The following SOS1 variants were observed in gnomAD, a reference collection of about 807,000 sequenced individuals.
SOS1 encodes SOS Ras/Rac guanine nucleotide exchange factor 1, also known as son of sevenless homolog 1.
A neutral mutation model predicts 157.6 loss-of-function variants in SOS1; 25 were observed. That is an observed-to-expected ratio of 0.16 (90% confidence interval 0.12 to 0.22). The LOEUF (loss-of-function observed/expected upper bound fraction) is 0.22, where lower values mean the gene tolerates loss of function less well. Ranked by LOEUF, SOS1 falls within the 10% of genes least tolerant of loss-of-function variation. The pLI, the probability that SOS1 is intolerant of heterozygous loss-of-function variation, is 1.00. For missense variants in SOS1, 1,237 were observed against 1,599.1 expected, an observed-to-expected ratio of 0.77 and a Z score of 3.86; for synonymous variants, 528 against 534.0, an observed-to-expected ratio of 0.99 and a Z score of 0.16.
At chr2:39,120,261 C>G in intron 1 of SOS1, 75 bp downstream of exon 1, 1 of 1,343,474 alleles carries the variant, frequency 7.4e-7, no homozygotes. Flanking sequence ...TGCGCGCGCC[C>G]CGCCTCCCCA....
intron 6 of SOS1, among the ~76,000 whole-genome samples, chr2:39,046,330 A>C (rs1670782201): frequency 6.6e-6 from 1 of 152,180 alleles, no homozygotes; most frequent in African/African-American, 2.4e-5. Flanking sequence ...CACAAATACA[A>C]GTCCACTTTA....
intron 1 of SOS1, among the ~76,000 whole-genome samples, chr2:39,081,058 G>A (rs1309214231): frequency 6.6e-6 from 1 of 151,866 alleles, no homozygotes; most frequent in East Asian, 1.9e-4. Flanking sequence ...CTGGGTTTGG[G>A]TGGTCCCAGC....
chr2:39,065,273 A>G (rs919120642), intron 2 of SOS1, among the ~76,000 whole-genome samples: 2 of 152,142 alleles, frequency 1.3e-5, no homozygotes, highest in African/African-American at 4.8e-5. Flanking sequence ...CTATGGTCCA[A>G]ATGTTTGTGC....
intron 1 of SOS1, among the ~76,000 whole-genome samples, chr2:39,085,428 G>A (rs1420134497): frequency 6.6e-6 from 1 of 152,234 alleles, no homozygotes; most frequent in African/African-American, 2.4e-5. Flanking sequence ...CATGTGATGT[G>A]TGTCTACTGT....
At chr2:39,080,461 G>C (rs1348851240) in intron 1 of SOS1, among the ~76,000 whole-genome samples, 1 of 152,136 alleles carries the variant, frequency 6.6e-6, no homozygotes, top group East Asian at 1.9e-4. Flanking sequence ...CTGGGGGTTG[G>C]GGACCCCTGA....
At chr2:39,107,663 GAA>G (rs11464462) in intron 1 of SOS1, among the ~76,000 whole-genome samples, 3,857 of 96,306 alleles carry the variant, frequency 0.04, 135 homozygotes, top group African/African-American at 0.11. Flanking sequence ...ACACTAAAAA[GAA>G]AAAAAAAAAA....
chr2:39,105,657 G>A (rs1455179202), intron 1 of SOS1, among the ~76,000 whole-genome samples: 1 of 152,124 alleles, frequency 6.6e-6, no homozygotes, highest in Non-Finnish European at 1.5e-5. Context: ...TAGCACTTTG[G>A]GAGGCCGAGG....
At chr2:39,007,280 A>T in intron 15 of SOS1, 87 bp from the exon 16 acceptor site, 1 of 887,954 alleles carries the variant, frequency 1.1e-6, no homozygotes, top group Non-Finnish European at 1.9e-6. Flanking sequence ...AAAATAATGT[A>T]GAGAGTAGGG....
intron 6 of SOS1, among the ~76,000 whole-genome samples, chr2:39,041,376 A>C (rs2124575698): frequency 6.6e-6 from 1 of 152,288 alleles, no homozygotes; most frequent in Admixed American, 6.5e-5. Flanking sequence ...ATATCTATTC[A>C]AATCCTTTGC....
intron 17 of SOS1, among the ~76,000 whole-genome samples, chr2:38,999,666 G>C (rs184017941): frequency 1.3e-5 from 2 of 152,238 alleles, no homozygotes; most frequent in East Asian, 3.9e-4. Context: ...CTCTACACAA[G>C]TTGCATGATC....
intron 9 of SOS1, 91 bp from the exon 10 acceptor site, chr2:39,023,316 C>CAA: frequency 2.2e-6 from 2 of 895,808 alleles, no homozygotes; most frequent in Admixed American, 4.7e-5. Flanking sequence ...TAGATTTTTA[C>CAA]AAGTCTCACT....
At chr2:38,998,354 A>G (rs1489777571) in intron 17 of SOS1, among the ~76,000 whole-genome samples, 1 of 151,876 alleles carries the variant, frequency 6.6e-6, no homozygotes, top group African/African-American at 2.4e-5. Context: ...GGTTCAAGCG[A>G]TTCTCCTGTC....
At chr2:39,033,220 A>AG (rs1256373840) in intron 8 of SOS1, among the ~76,000 whole-genome samples, 11 of 48,248 alleles carry the variant, frequency 2.3e-4, no homozygotes, top group Admixed American at 9.2e-4. Flanking sequence ...ATAGGTGTGC[A>AG]GAAAAAAAAA....
chr2:38,991,682 C>T (rs565081511), intron 20 of SOS1, among the ~76,000 whole-genome samples: 65 of 152,310 alleles, frequency 4.3e-4, no homozygotes, highest in African/African-American at 1.3e-3. Flanking sequence ...CTTTCCATGA[C>T]CACTCTTGCT....
intron 6 of SOS1, among the ~76,000 whole-genome samples, chr2:39,048,970 G>A (rs577637834): frequency 3.9e-5 from 6 of 151,942 alleles, no homozygotes; most frequent in African/African-American, 9.7e-5. Context: ...GTCACTGGAC[G>A]GCAGTGGTGC....
At chr2:39,045,273 A>AGTGAGAGTGTGTGTGTGT (rs1670735981) in intron 6 of SOS1, among the ~76,000 whole-genome samples, 1 of 108,048 alleles carries the variant, frequency 9.3e-6, no homozygotes. Context: ...AGAGAGAGAG[A>AGTGAGAGTGTGTGTGTGT]GTGTGTGTGT....
At chr2:39,010,037 C>T (rs1218830345) in intron 15 of SOS1, among the ~76,000 whole-genome samples, 8 of 152,014 alleles carry the variant, frequency 5.3e-5, no homozygotes, top group Admixed American at 5.2e-4. Context: ...TTGCATTGGT[C>T]AGGAGCGATG....
At chr2:39,084,675 T>G (rs1442986493) in intron 1 of SOS1, among the ~76,000 whole-genome samples, 2 of 152,228 alleles carry the variant, frequency 1.3e-5, no homozygotes, top group African/African-American at 4.8e-5. Context: ...AGTGTATATA[T>G]TAGCCATGGG....
At chr2:39,030,123 A>G (rs1399237875) in intron 8 of SOS1, among the ~76,000 whole-genome samples, 2 of 151,920 alleles carry the variant, frequency 1.3e-5, no homozygotes, top group East Asian at 3.9e-4. Flanking sequence ...CTGTGATAGC[A>G]CCACTGCAAT....
Sources: gnomAD v4.1 joint callset for allele counts (sites outside exome capture counted in the v4.1 genomes callset) on GRCh38, gnomAD v4.1.1 for gene constraint, MANE v1.5 for transcripts, NCBI Gene and HGNC (gene_info 2026-07-23, HGNC 2026-07-21) for gene names.